Variants in ANO4 observed in about 807,000 individuals in gnomAD.
The protein encoded by ANO4 is anoctamin 4.
Under a neutral mutation model 141.9 loss-of-function variants are expected in ANO4, and 69 were observed. The observed-to-expected ratio is 0.49, with a 90% CI of 0.40 to 0.59. ANO4 has a LOEUF of 0.59. ANO4 is among the 20% of genes least tolerant of loss of function. The pLI is 0.00. For synonymous variants in ANO4, 350 were observed against 394.3 expected, an observed-to-expected ratio of 0.89 and a Z score of 1.33; for missense variants, 894 against 1,162.2, an observed-to-expected ratio of 0.77 and a Z score of 3.36.
intron 1 of ANO4, among the ~76,000 whole-genome samples, chr12:100,897,179 T>G (rs1264659702): frequency 2.0e-5 from 3 of 152,162 alleles, no homozygotes; most frequent in African/African-American, 7.2e-5. Flanking sequence ...ATGATGTGTC[T>G]CAAGAGGAAA....
intron 25 of ANO4, among the ~76,000 whole-genome samples, 167 bp from the exon 26 acceptor site, chr12:101,120,353 T>C (rs921198416): frequency 1.3e-5 from 2 of 152,160 alleles, no homozygotes; most frequent in African/African-American, 2.4e-5. Flanking sequence ...AGAAGAGATA[T>C]TATTTTATCA....
At chr12:100,737,287 T>C (rs895147281) in intron 2 of ANO4, among the ~76,000 whole-genome samples, 18 of 152,196 alleles carry the variant, frequency 1.2e-4, no homozygotes, top group African/African-American at 3.6e-4. Flanking sequence ...GCCACATGGC[T>C]GCAGGGTTTC....
intron 1 of ANO4, among the ~76,000 whole-genome samples, chr12:100,862,421 A>C (rs2038530163): frequency 6.6e-6 from 1 of 152,134 alleles, no homozygotes; most frequent in African/African-American, 2.4e-5. Context: ...TCCCAGGTTC[A>C]AGTGATTCTC....
chr12:100,961,324 A>G (rs1418758749), intron 5 of ANO4, among the ~76,000 whole-genome samples: 1 of 152,220 alleles, frequency 6.6e-6, no homozygotes, highest in Admixed American at 6.5e-5. Context: ...AATTAGCAGT[A>G]TCAGATATAC....
chr12:101,102,453 TATG>T (rs1363838810), intron 22 of ANO4, among the ~76,000 whole-genome samples: 3 of 152,216 alleles, frequency 2.0e-5, no homozygotes, highest in African/African-American at 7.2e-5. Flanking sequence ...CTTGAAATTT[TATG>T]ATAACTAATA....
intron 2 of ANO4, among the ~76,000 whole-genome samples, chr12:100,911,431 C>T (rs1393020839): frequency 1.3e-5 from 2 of 152,114 alleles, no homozygotes; most frequent in African/African-American, 2.4e-5. Context: ...CAAACCTTAG[C>T]GTAAGAAAAC....
At chr12:100,872,915 T>C (rs1317090506) in intron 1 of ANO4, among the ~76,000 whole-genome samples, 2 of 152,138 alleles carry the variant, frequency 1.3e-5, no homozygotes, top group Non-Finnish European at 2.9e-5. Context: ...GGGAGGTGAT[T>C]TGATCATGGG....
At chr12:101,025,903 C>T (rs2046715129) in intron 9 of ANO4, among the ~76,000 whole-genome samples, 1 of 152,240 alleles carries the variant, frequency 6.6e-6, no homozygotes, top group African/African-American at 2.4e-5. Flanking sequence ...ACTCAGCAAA[C>T]TACTAATAGA....
At chr12:100,909,077 A>G (rs562933335) in intron 2 of ANO4, among the ~76,000 whole-genome samples, 1 of 152,336 alleles carries the variant, frequency 6.6e-6, no homozygotes, top group Admixed American at 6.5e-5. Context: ...AGAGAAACTA[A>G]TCATTTAGTC....
At chr12:101,047,092 T>C (rs1176988314) in intron 13 of ANO4, among the ~76,000 whole-genome samples, 1 of 152,044 alleles carries the variant, frequency 6.6e-6, no homozygotes, top group Non-Finnish European at 1.5e-5. Flanking sequence ...TCTACAAAAA[T>C]ACAAAAATTA....
intron 3 of ANO4, among the ~76,000 whole-genome samples, chr12:100,761,758 G>A (rs574847864): frequency 6.6e-6 from 1 of 152,278 alleles, no homozygotes; most frequent in South Asian, 2.1e-4. Context: ...TGCCAGTCAT[G>A]TGCCAACCCT....
upstream of ANO4, among the ~76,000 whole-genome samples, chr12:100,791,281 G>A (rs539281926): frequency 4.6e-5 from 7 of 152,100 alleles, no homozygotes; most frequent in Non-Finnish European, 1.0e-4. Context: ...ATGGTGGCAT[G>A]CACCTGTGGT....
chr12:101,026,235 CA>C (rs1334292078), intron 9 of ANO4, among the ~76,000 whole-genome samples: 1 of 152,122 alleles, frequency 6.6e-6, no homozygotes, highest in Non-Finnish European at 1.5e-5. Flanking sequence ...CTGCAACAAA[CA>C]GTGAGAAACT....
intron 1 of ANO4, among the ~76,000 whole-genome samples, chr12:100,724,882 C>T (rs978392500): frequency 3.3e-5 from 5 of 152,210 alleles, no homozygotes; most frequent in African/African-American, 1.2e-4. Flanking sequence ...GGAATACCCA[C>T]ATGTATACAT....
At chr12:101,001,873 G>A (rs907907626) in intron 8 of ANO4, among the ~76,000 whole-genome samples, 10 of 152,142 alleles carry the variant, frequency 6.6e-5, no homozygotes, top group South Asian at 2.1e-4. Context: ...TCAAGACCAC[G>A]TCTTAGAAAT....
chr12:100,972,306 T>G (rs1282199738), intron 6 of ANO4, among the ~76,000 whole-genome samples: 1 of 152,222 alleles, frequency 6.6e-6, no homozygotes, highest in East Asian at 1.9e-4. Context: ...AAAGAACATT[T>G]ATAGAGACAG....
chr12:100,798,892 G>C (rs1457441330), intron 1 of ANO4, among the ~76,000 whole-genome samples: 1 of 152,180 alleles, frequency 6.6e-6, no homozygotes, highest in African/African-American at 2.4e-5. Flanking sequence ...CTGACCTTTT[G>C]GTGTGTGTGA....
At chr12:100,797,921 A>C (rs969648820) in intron 1 of ANO4, among the ~76,000 whole-genome samples, 5 of 152,242 alleles carry the variant, frequency 3.3e-5, no homozygotes, top group Admixed American at 3.3e-4. Context: ...CCAAACTCCA[A>C]ATGTTGAAAC....
intron 1 of ANO4, among the ~76,000 whole-genome samples, chr12:100,883,967 A>G (rs1356157160): frequency 6.6e-6 from 1 of 152,228 alleles, no homozygotes; most frequent in Admixed American, 6.5e-5. Flanking sequence ...AGGGATTTTC[A>G]TTAATTATTA....
Sources: gnomAD v4.1 joint callset for allele counts (sites outside exome capture counted in the v4.1 genomes callset) on GRCh38, gnomAD v4.1.1 for gene constraint, MANE v1.5 for transcripts, NCBI Gene and HGNC (gene_info 2026-07-23, HGNC 2026-07-21) for gene names.